TTN: variants seen among roughly 807,000 people sequenced by gnomAD.
TTN encodes the protein titin, also known as connectin.
A neutral mutation model predicts 3,223.0 loss-of-function variants in TTN; 1,525 were observed. The observed-to-expected ratio is 0.47, with a 90% CI of 0.45 to 0.49. The LOEUF is 0.49. TTN is among the 20% of genes least tolerant of loss of function. The pLI is 0.00. For missense variants in TTN, 40,786 were observed against 43,424.0 expected (o/e 0.94, Z 5.40); for synonymous variants, 14,094 against 15,161.0 (o/e 0.93, Z 5.17).
intron 214 of TTN, 58 bp from the exon 215 acceptor site, chr2:178,647,202 C>T: frequency 8.5e-7 from 1 of 1,173,412 alleles, no homozygotes; most frequent in Non-Finnish European, 1.2e-6. Context: ...ACTGCAACTA[C>T]TATTCTAACA....
chr2:178,531,432 C>A lies in TTN; in HGVS notation c.105183G>T (p.Ala35061=), dbSNP rs371075036. 1 of 1,613,964 alleles carries A rather than the reference C, an allele frequency of 6.2e-7. No individual in the cohort carries two copies. The highest frequency in any genetic ancestry group is 8.5e-7 in the Non-Finnish European group (1 of 1,179,892). The change falls in exon 358 of 363, where the codon GCG becomes GCT. Residue 35061 remains alanine (A), a synonymous_variant. Coordinates refer to ENST00000589042, the MANE Select transcript of TTN (RefSeq NM_001267550.2). Reference sequence around the variant, plus strand: ...TTTTCTTAAATGATGAAACAGCATACGCCTCTGTTCTTGTCAGCTCAGGGA... The same window carrying A: ...TTTTCTTAAATGATGAAACAGCATAAGCCTCTGTTCTTGTCAGCTCAGGGA... ...SVFPELTRTE[A]YAVSSFKKTS...
rs186413051 is a variant in TTN at position 178,694,128 on chromosome 2, G to C, written c.31427-120C>G. The C allele has an allele frequency of 5.7e-5, 40 of 702,028 alleles. No homozygotes were observed. In the Admixed American group the frequency reaches 9.5e-4, roughly 17 times the overall value. The allele number at this position is 702,028 out of a possible 1,614,324, so 43.5% of individuals were successfully genotyped here. A position where few individuals can be genotyped will look rare whatever the true frequency, so the allele number is the denominator to read the frequency against. The stretch of plus-strand genomic sequence containing the variant: ...AATGAGTGGGTTAATATGGTAGCTT[G>C]AGAACAAATTCAGTATTGACAAGAA... On this transcript the variant is annotated intron_variant, in intron 117 of 362. Transcript: ENST00000589042.
At position 178,574,434 on chromosome 2, in the gene TTN, G is replaced by A. The variant is rs755894115; in HGVS notation, c.71698C>T (p.Arg23900Trp). Residue 23900 changes from arginine to tryptophan, a missense_variant, in exon 326 of 363, where the codon CGG (arginine) becomes TGG (tryptophan). Physicochemically the swap from Arg to Trp is moderately radical, Grantham distance 101 (BLOSUM62 -3). Coordinates refer to ENST00000589042, the MANE Select transcript of TTN (RefSeq NM_001267550.2). ...GLTDGIAYEF[R>W]VIAENMAGKS... ...CCTGCCATGTTTTCTGCAATCACCC[G>A]GAACTCATAAGCAATACCATCTGTA... 6.2e-6 allele frequency: 10 copies of A among 1,613,332 alleles called. No homozygotes were observed. The highest frequency in any genetic ancestry group is 2.2e-5 in the East Asian group (1 of 44,858).
Position 178,584,787 on chromosome 2 carries a change from G to A in TTN, c.64854C>T (p.Ser21618=). The A allele has an allele frequency of 6.2e-7, 1 of 1,613,432 alleles. No homozygotes were observed. The highest frequency in any genetic ancestry group is 8.5e-7 in the Non-Finnish European group (1 of 1,179,548). The change falls in exon 310 of 363, where the codon TCC becomes TCT. Residue 21618 remains serine, a synonymous_variant. Transcript: ENST00000589042. The stretch of plus-strand genomic sequence containing the variant: ...CTGGGATCAGCTTTCCAACCCTGCA[G>A]GAAGTTTTTGTGACTGAAGCTAGAG... ...VTALASVTKT[S]CRVGKLIPGQ... is the part of the protein sequence containing the mutation.
rs1360164741 is a variant in TTN at position 178,595,581 on chromosome 2, A to G, written c.57773T>C (p.Ile19258Thr). The change falls in exon 295 of 363, where the codon ATT becomes ACT. Residue 19258 changes from isoleucine to threonine, a missense_variant. Physicochemically the swap from Ile to Thr is moderately conservative, Grantham distance 89. Coordinates refer to ENST00000589042, the MANE Select transcript of TTN (RefSeq NM_001267550.2). ...LIQGKAYFFRIAAENSIGMGP... is the reference protein window; with the variant it reads ...LIQGKAYFFRTAAENSIGMGP... ...CATGCCAATACTATTTTCAGCCGCA[A>G]TTCGGAAAAAGTAGGCTTTTCCTTG... is the stretch of plus-strand genomic sequence containing the variant. The G allele has an allele frequency of 5.1e-6, 8 of 1,580,148 alleles. No homozygotes were observed. Among genetic ancestry groups the G allele is most frequent in the Admixed American group, 3.6e-5 (2 of 55,084 alleles).
rs1201160020 is a variant in TTN at position 178,617,081 on chromosome 2, T to C, written c.47875+39A>G. On this transcript the variant is annotated intron_variant, in intron 255 of 362. Coordinates refer to ENST00000589042, the MANE Select transcript of TTN (RefSeq NM_001267550.2). The stretch of plus-strand genomic sequence containing the variant: ...AGTCCCTGTTGCCCCAAAGTAGCTA[T>C]GTGCTATTCCCCGATCTAAAAATAA... 1.1e-5 allele frequency: 18 copies of C among 1,610,666 alleles called. No homozygotes were observed. The East Asian group carries it at 3.8e-4, about 34-fold the overall frequency.
Position 178,571,941 on chromosome 2 carries a change from C to T in TTN, c.74191G>A (p.Glu24731Lys), listed in dbSNP as rs186780326. 7 of 1,613,216 alleles carry T rather than the reference C, an allele frequency of 4.3e-6. No individual in the cohort carries two copies. In the East Asian group the frequency reaches 8.9e-5, roughly 21 times the overall value. The change falls in exon 326 of 363, where the codon GAA becomes AAA. Residue 24731 changes from glutamate (E) to lysine (K), a missense_variant. By Grantham distance (56) the Glu-to-Lys change is moderately conservative. Transcript: ENST00000589042. ...LFNTFTVLAG[E>K]DLKVDVPFIG... The stretch of plus-strand genomic sequence containing the variant: ...AATGGAACATCAACTTTTAGGTCTT[C>T]ACCTGCCAGTACAGTGAAAGTATTG...
chr2:178,778,572 CT>C (rs2092466525), intron 24 of TTN: 2 of 400,554 alleles, frequency 5.0e-6, no homozygotes, highest in African/African-American at 2.0e-5. Flanking sequence ...TAATAGTCAT[CT>C]TTTTATTGCA....
chr2:178,636,594 G>A lies in TTN; in HGVS notation c.41133C>T (p.Ser13711=). 6.2e-7 allele frequency: 1 copy of A among 1,613,392 alleles called. No homozygotes were observed. Among genetic ancestry groups the A allele is most frequent in the South Asian group, 1.1e-5 (1 of 91,056 alleles). Reference sequence around the variant, plus strand: ...TCCAGGTTGTAATTGCAGTGGAAGGGGAGACCAAACATTCAAAGATTGCTG... The same window carrying A: ...TCCAGGTTGTAATTGCAGTGGAAGGAGAGACCAAACATTCAAAGATTGCTG... ...GSSAIFECLV[S]PSTAITTWMK... Residue 13711 remains serine, a synonymous_variant, in exon 225 of 363, where the codon TCC becomes TCT. Transcript: ENST00000589042. This position sits in a 1 kb window ranked among gnomAD's most constrained non-coding sequence, Gnocchi z 4.3.
rs760714626 is a variant in TTN at position 178,611,864 on chromosome 2, A to G, written c.50445T>C (p.Asp16815=). 3 of 1,612,914 alleles carry G rather than the reference A, an allele frequency of 1.9e-6. No individual in the cohort carries two copies. The highest frequency in any genetic ancestry group is 4.5e-5 in the East Asian group (2 of 44,688). ...AGPDCNFRVT[D]VIEGTEVQFQ... is the part of the protein sequence containing the mutation. ...ACTGGACCTCTGTTCCTTCGATGAC[A>G]TCAGTTACTCTGAAGTTACAGTCAG... Residue 16815 remains aspartate, a synonymous_variant, in exon 268 of 363, where the codon GAT becomes GAC. Coordinates refer to ENST00000589042, the MANE Select transcript of TTN (RefSeq NM_001267550.2).
intron 47 of TTN, chr2:178,751,232 G>GT (rs1561035335): frequency 1.2e-6 from 2 of 1,606,960 alleles, no homozygotes; most frequent in South Asian, 2.2e-5. Flanking sequence ...TTCAGAAGAC[G>GT]TATCTAAAAG....
rs780777388 is a variant in TTN at position 178,675,937 on chromosome 2, C to G, written c.34437G>C (p.Glu11479Asp). ...TAGCAATACCTTTGGCAGGGGGAGC[C>G]TCCTCTTTCTTGGGAATGACCACTT... ...EKKVVIPKKE[E>D]APPAKVSVVP... Residue 11479 changes from glutamate to aspartate, a missense_variant, in exon 148 of 363, where the codon GAG (glutamate) becomes GAC (aspartate). Coordinates refer to ENST00000589042, the MANE Select transcript of TTN (RefSeq NM_001267550.2). 4.4e-6 allele frequency: 7 copies of G among 1,607,948 alleles called. No individual in the cohort carries two copies. The highest frequency in any genetic ancestry group is 5.9e-6 in the Non-Finnish European group (7 of 1,176,734).
At chr2:178,730,033 G>GCC in intron 62 of TTN, 60 bp downstream of exon 62, 1 of 1,165,882 alleles carries the variant, frequency 8.6e-7, no homozygotes, top group Non-Finnish European at 1.2e-6. Flanking sequence ...CCCCGCCCCG[G>GCC]CCCACCCCAG....
rs541838188 is a variant in TTN, at chr2:178,655,199, T to C, written c.38039-204A>G. On this transcript the variant is annotated intron_variant, in intron 189 of 362. Coordinates refer to ENST00000589042, the MANE Select transcript of TTN (RefSeq NM_001267550.2). ...GACAAAAACCACGTGATTATCTCAA[T>C]AGATGCAGAAAGGGCCTTTGACAAA... Among the ~76,000 whole-genome samples, 34 of 137,502 alleles carry C rather than the reference T, an allele frequency of 2.5e-4. No homozygotes were observed. The East Asian group carries it at 6.5e-3, about 26-fold the overall frequency. 90.2% of individuals were successfully genotyped at this position (137,502 alleles called of 152,430 possible). A position where few individuals can be genotyped will look rare whatever the true frequency, so the allele number is the denominator to read the frequency against.
At position 178,717,729 on chromosome 2, in the gene TTN, C is replaced by T. The variant is rs199598066; in HGVS notation, c.25145G>A (p.Arg8382His). The change falls in exon 87 of 363, where the codon CGC (arginine) becomes CAC (histidine). Residue 8382 changes from arginine (R) to histidine (H), a missense_variant. Transcript: ENST00000589042. ...TLGFPVAFEC[R>H]INGSEPLQVS... ...TTGAAGAGGTTCTGAGCCATTGATG[C>T]GGCATTCAAATGCAACTGGGAAGCC... The T allele has an allele frequency of 1.5e-4, 235 of 1,613,060 alleles. No homozygotes were observed. Among genetic ancestry groups the T allele is most frequent in the Admixed American group, 1.8e-4 (11 of 59,952 alleles).
Position 178,538,563 on chromosome 2 carries a change from A to G in TTN, c.99266T>C (p.Met33089Thr), listed in dbSNP as rs1445903275. The change falls in exon 354 of 363, where the codon ATG becomes ACG. Residue 33089 changes from methionine (M) to threonine (T), a missense_variant. Physicochemically the swap from Met to Thr is moderately conservative, Grantham distance 81. Transcript: ENST00000589042. ...ACATGTGAGTTTAGTCTTTATAGAC[A>G]TAGCAGTTCTGCGAGGTCTGCTCAG... ...TGLSRPRRTA[M>T]SIKTKLTSGE... The G allele has an allele frequency of 6.2e-7, 1 of 1,612,950 alleles. No homozygotes were observed.
rs776948324 is a variant in TTN, at chr2:178,535,475, C to T, written c.101140G>A (p.Ala33714Thr). ...GTGATTTTGCTGCCACCATCAGAGG[C>T]TGGCTCAGTCCATGTTAAGTTGACA... is the stretch of plus-strand genomic sequence containing the variant. ...DSVNLTWTEP[A>T]SDGGSKITNY... The change falls in exon 358 of 363, where the codon GCC becomes ACC. Residue 33714 changes from alanine (A) to threonine (T), a missense_variant. Coordinates refer to ENST00000589042, the MANE Select transcript of TTN (RefSeq NM_001267550.2). The T allele has an allele frequency of 1.1e-5, 18 of 1,613,878 alleles. No individual in the cohort carries two copies. Among genetic ancestry groups the T allele is most frequent in the Non-Finnish European group, 1.4e-5 (16 of 1,179,816 alleles).
chr2:178,711,487 A>G, intron 96 of TTN, 138 bp from the exon 97 acceptor site: 1 of 1,083,324 alleles, frequency 9.2e-7, no homozygotes, highest in Non-Finnish European at 1.3e-6. Context: ...ATTAACTTGG[A>G]GATAAAGAAA....
chr2:178,699,332 TTCCTAATCATACTTGATTATG>T (rs2154287086), intron 111 of TTN, among the ~76,000 whole-genome samples: 1 of 148,920 alleles, frequency 6.7e-6, no homozygotes. Flanking sequence ...TTAACCACGG[TTCCTAATCATACTTGATTATG>T]GCCTTTTGTA....
Sources: gnomAD v4.1 joint callset for allele counts (sites outside exome capture counted in the v4.1 genomes callset) on GRCh38, gnomAD v4.1.1 for gene constraint, Gnocchi (gnomAD v3.1) non-coding constraint, MANE v1.5 for transcripts, NCBI Gene and HGNC (gene_info 2026-07-23, HGNC 2026-07-21) for gene names.